The following CALB2 variants were observed in gnomAD, a reference collection of about 807,000 sequenced individuals.
CALB2 encodes the protein calretinin.
Under a neutral mutation model 45.9 loss-of-function variants are expected in CALB2, and 34 were observed. The observed-to-expected ratio is 0.74, with a 90% confidence interval of 0.56 to 0.99. The LOEUF (loss-of-function observed/expected upper bound fraction) is 0.99, where lower values mean the gene tolerates loss of function less well. Among genes scored for constraint, CALB2 ranks in the 50% least tolerant of loss-of-function variants. The pLI is 0.00. For synonymous variants in CALB2, 142 were observed against 129.6 expected, an observed-to-expected ratio of 1.10 and a Z score of -0.65; for missense variants, 344 against 339.3, an observed-to-expected ratio of 1.01 and a Z score of -0.11.
At position 71,385,633 on chromosome 16, in the gene CALB2, C is replaced by T. The variant is rs139080757; in HGVS notation, c.684C>T (p.Tyr228=). 46 of 1,613,640 alleles carry T rather than the reference C, an allele frequency of 2.9e-5. No homozygotes were observed. The highest frequency in any genetic ancestry group is 1.6e-4 in the Middle Eastern group (1 of 6,076). ...HELDALLKDL[Y]EKNKKEMNIQ... Reference sequence around the variant, plus strand: ...TGGATGCCCTTTTGAAGGATCTGTACGAGAAAAACAAAAAGGTGAGCAGCC... The same window carrying T: ...TGGATGCCCTTTTGAAGGATCTGTATGAGAAAAACAAAAAGGTGAGCAGCC... The change falls in exon 10 of 11, where the codon TAC becomes TAT. Residue 228 remains tyrosine (Y), a synonymous_variant. Coordinates refer to ENST00000302628, the MANE Select transcript of CALB2 (RefSeq NM_001740.5).
Position 71,374,756 on chromosome 16 carries a change from T to C in CALB2, c.183T>C (p.Ser61=), listed in dbSNP as rs747621062. Reference sequence around the variant, plus strand: ...TTGTCTTTCCACAGATGTCAAAGAGTGACAACTTTGGAGAAAAGATGAAGG... The same window carrying C: ...TTGTCTTTCCACAGATGTCAAAGAGCGACAACTTTGGAGAAAAGATGAAGG... ...ARKGSGMMSK[S]DNFGEKMKEF... is the part of the protein sequence containing the mutation. Residue 61 remains serine, a synonymous_variant, in exon 3 of 11, where the codon AGT becomes AGC. Coordinates refer to ENST00000302628, the MANE Select transcript of CALB2 (RefSeq NM_001740.5). 2 of 1,611,774 alleles carry C rather than the reference T, an allele frequency of 1.2e-6. No individual in the cohort carries two copies. Among genetic ancestry groups the C allele is most frequent in the Non-Finnish European group, 1.7e-6 (2 of 1,178,430 alleles).
intron 9 of CALB2, among the ~76,000 whole-genome samples, 168 bp downstream of exon 9, chr16:71,385,004 C>T (rs542657418): frequency 3.3e-5 from 5 of 152,238 alleles, no homozygotes; most frequent in Middle Eastern, 3.4e-3. Context: ...CATTCTCCAC[C>T]GGTGGCCTAT....
chr16:71,380,019 G>C (rs536432548), intron 4 of CALB2, among the ~76,000 whole-genome samples: 2 of 152,120 alleles, frequency 1.3e-5, no homozygotes, highest in East Asian at 3.9e-4. Context: ...AACTTGTCAG[G>C]GTGTTGCTTT....
chr16:71,367,826 G>C (rs1390449217), intron 1 of CALB2, among the ~76,000 whole-genome samples: 2 of 152,086 alleles, frequency 1.3e-5, no homozygotes, highest in Non-Finnish European at 2.9e-5. Context: ...GTGTGGGGAG[G>C]GGGGTTCCTC....
intron 1 of CALB2, among the ~76,000 whole-genome samples, chr16:71,359,411 C>A (rs2042215708): frequency 6.6e-6 from 1 of 152,192 alleles, no homozygotes; most frequent in Non-Finnish European, 1.5e-5. Flanking sequence ...CCTGAACACC[C>A]CCCTGCTTCC....
At chr16:71,383,221 A>G in intron 5 of CALB2, 146 bp from the exon 6 acceptor site, 1 of 771,152 alleles carries the variant, frequency 1.3e-6, no homozygotes, top group South Asian at 1.5e-5. Context: ...AGAGTTAGGA[A>G]TTATGAGGGC....
chr16:71,358,947 C>G, intron 1 of CALB2, 61 bp downstream of exon 1: 1 of 1,438,802 alleles, frequency 7.0e-7, no homozygotes, highest in Non-Finnish European at 9.6e-7. Flanking sequence ...GTGAAGGGGG[C>G]AGGGGGCGGC....
At chr16:71,366,020 C>CTTTTTTTTTTTTTTTTTT (rs2042281945) in intron 1 of CALB2, among the ~76,000 whole-genome samples, 2 of 28,872 alleles carry the variant, frequency 6.9e-5, no homozygotes, top group Non-Finnish European at 1.5e-4. Flanking sequence ...TTCCCTCTCT[C>CTTTTTTTTTTTTTTTTTT]TCTCTTTTTT....
chr16:71,388,913 G>T (rs904483540), intron 10 of CALB2, among the ~76,000 whole-genome samples: 2 of 149,758 alleles, frequency 1.3e-5, no homozygotes, highest in African/African-American at 4.9e-5. Context: ...CATGAGAATA[G>T]CTTGAACCCG....
intron 1 of CALB2, among the ~76,000 whole-genome samples, chr16:71,360,596 C>T (rs891191848): frequency 1.1e-4 from 16 of 152,208 alleles, no homozygotes; most frequent in Non-Finnish European, 1.8e-4. Flanking sequence ...GCCAAGGTTA[C>T]ACCACTGGCT....
At chr16:71,366,610 C>G (rs182056861) in intron 1 of CALB2, among the ~76,000 whole-genome samples, 1 of 152,106 alleles carries the variant, frequency 6.6e-6, no homozygotes, top group Non-Finnish European at 1.5e-5. Flanking sequence ...GGATTACAGG[C>G]GTGAGCCACC....
Position 71,389,855 on chromosome 16 carries a change from C to T in CALB2, c.806C>T (p.Pro269Leu). 6.2e-7 allele frequency: 1 copy of T among 1,612,436 alleles called. No homozygotes were observed. The highest frequency in any genetic ancestry group is 1.1e-5 in the South Asian group (1 of 91,032). ...CTGGAGATTGTGCTCTGCAGCGAGC[C>T]CCCCATGTAAAGTGGGGACGGGGGC... ...KDLEIVLCSE[P>L]PM is the part of the protein sequence containing the mutation. Residue 269 changes from proline to leucine, a missense_variant, in exon 11 of 11, where the codon CCC becomes CTC. This residue lies in a region of CALB2 where 263 missense variants were observed against 241.7 expected (regional missense o/e 1.09). Coordinates refer to ENST00000302628, the MANE Select transcript of CALB2 (RefSeq NM_001740.5).
At chr16:71,359,004 C>A (rs1487424430) in intron 1 of CALB2, 118 bp downstream of exon 1, 3 of 827,742 alleles carry the variant, frequency 3.6e-6, no homozygotes, top group Admixed American at 2.3e-5. Context: ...GTGGTCTGGT[C>A]GCAGAGCCTG....
At chr16:71,389,117 G>A (rs2042606580) in intron 10 of CALB2, among the ~76,000 whole-genome samples, 1 of 152,054 alleles carries the variant, frequency 6.6e-6, no homozygotes, top group Admixed American at 6.6e-5. Flanking sequence ...GAACCCGGGA[G>A]GCAGAGGTTG....
At chr16:71,371,010 TC>T (rs1278695541) in intron 1 of CALB2, among the ~76,000 whole-genome samples, 1 of 152,182 alleles carries the variant, frequency 6.6e-6, no homozygotes, top group Admixed American at 6.5e-5. Context: ...ACAGATTCAT[TC>T]CCACCTTAGG....
chr16:71,383,696 A>G lies in CALB2; in HGVS notation c.477+252A>G, dbSNP rs576339817. Among the ~76,000 whole-genome samples the G allele has an allele frequency of 6.6e-5, 10 of 152,242 alleles. 1 individual carries two copies. The highest frequency in any genetic ancestry group is 5.9e-4 in the Admixed American group (9 of 15,282). On this transcript the variant is annotated intron_variant, in intron 6 of 10. Coordinates refer to ENST00000302628, the MANE Select transcript of CALB2 (RefSeq NM_001740.5). Reference sequence around the variant, plus strand: ...ACCTCTGCAGCTCTAGGAGAGGATGATCTTGGAGAGAGTGGGCCTTTAGTG... The same window carrying G: ...ACCTCTGCAGCTCTAGGAGAGGATGGTCTTGGAGAGAGTGGGCCTTTAGTG...
At chr16:71,369,046 G>A (rs949912266) in intron 1 of CALB2, among the ~76,000 whole-genome samples, 9 of 152,100 alleles carry the variant, frequency 5.9e-5, no homozygotes, top group African/African-American at 1.2e-4. Flanking sequence ...GCGGGGCTCC[G>A]TGCTAGCCTT....
At chr16:71,384,107 G>A (rs1013839218) in intron 7 of CALB2, 82 bp downstream of exon 7, 29 of 1,479,278 alleles carry the variant, frequency 2.0e-5, no homozygotes, top group South Asian at 1.4e-4. Flanking sequence ...TCCATTGGTG[G>A]GAAAGTGACA....
At chr16:71,379,069 G>C (rs1481361821) in intron 4 of CALB2, among the ~76,000 whole-genome samples, 1 of 152,064 alleles carries the variant, frequency 6.6e-6, no homozygotes, top group Non-Finnish European at 1.5e-5. Flanking sequence ...TTGAGATCAG[G>C]AGTTTGAGGC....
Sources: gnomAD v4.1 joint callset for allele counts (sites outside exome capture counted in the v4.1 genomes callset) on GRCh38, gnomAD v4.1.1 for gene constraint, gnomAD v4.1.1 regional missense constraint, MANE v1.5 for transcripts, NCBI Gene and HGNC (gene_info 2026-07-23, HGNC 2026-07-21) for gene names.